Variants in PRDM16 observed in about 807,000 individuals in gnomAD.
The protein encoded by PRDM16 is PR/SET domain 16.
A neutral mutation model predicts 110.6 loss-of-function variants in PRDM16; 23 were observed. That is an observed-to-expected ratio of 0.21 (90% CI 0.15 to 0.29). The LOEUF (loss-of-function observed/expected upper bound fraction) is 0.29. Ranked by LOEUF, PRDM16 falls within the 10% of genes least tolerant of loss-of-function variation. The pLI is 1.00. For missense variants in PRDM16, 1,615 were observed against 1,794.3 expected (o/e 0.90, Z 1.81); for synonymous variants, 799 against 781.8 (o/e 1.02, Z -0.37).
chr1:3,214,748 G>C (rs1167081468), intron 2 of PRDM16, among the ~76,000 whole-genome samples: 1 of 152,180 alleles, frequency 6.6e-6, no homozygotes, highest in Non-Finnish European at 1.5e-5. Context: ...TAGTGTGTTG[G>C]GCCCCTGTTG....
In PRDM16 at chr1:3,181,445, TACACGGTCTTAC is replaced by T. The variant is rs1288346922; in HGVS notation, c.38-4662_38-4651del. Among the ~76,000 whole-genome samples, 43 of 7,902 alleles carry T rather than the reference TACACGGTCTTAC, an allele frequency of 5.4e-3. 15 individuals are homozygous for T. Among genetic ancestry groups the T allele is most frequent in the Non-Finnish European group, 7.0e-3 (14 of 2,000 alleles). 5.2% of individuals were successfully genotyped at this position (7,902 alleles called of 152,430 possible). A position where few individuals can be genotyped will look rare whatever the true frequency, so the allele number is the denominator to read the frequency against. ...ACACGCGGTCTTACACAAGCAGTCT[TACACGGTCTTAC>T]ACACGGTCTTACACACGCAGTCTTA... is the stretch of plus-strand genomic sequence containing the variant. On this transcript the variant is annotated intron_variant, in intron 1 of 16. Transcript: ENST00000270722.
At chr1:3,432,962 C>A (rs902284459) in intron 16 of PRDM16, among the ~76,000 whole-genome samples, 1 of 152,228 alleles carries the variant, frequency 6.6e-6, no homozygotes, top group Non-Finnish European at 1.5e-5. Context: ...CCCAGAAACG[C>A]TGCACATCCC....
At chr1:3,116,031 G>C (rs1416061652) in intron 1 of PRDM16, among the ~76,000 whole-genome samples, 1 of 152,178 alleles carries the variant, frequency 6.6e-6, no homozygotes, top group Non-Finnish European at 1.5e-5. Flanking sequence ...GGCGGGGCTC[G>C]ATGGCAGGTG....
intron 2 of PRDM16, among the ~76,000 whole-genome samples, chr1:3,232,010 A>AGTCT (rs1639428747): frequency 2.6e-5 from 4 of 152,214 alleles, no homozygotes; most frequent in African/African-American, 9.6e-5. Context: ...TTAGGAAAGC[A>AGTCT]TGCAGTCTTG....
chr1:3,424,903 C>A (rs1638547861), intron 12 of PRDM16: 3 of 152,202 alleles, frequency 2.0e-5, no homozygotes, highest in African/African-American at 7.2e-5. Flanking sequence ...AGCATGTCGC[C>A]CTCCGGCTGC....
At chr1:3,187,519 T>G (rs1644284485) in intron 2 of PRDM16, among the ~76,000 whole-genome samples, 1 of 152,192 alleles carries the variant, frequency 6.6e-6, no homozygotes, top group Non-Finnish European at 1.5e-5. Flanking sequence ...ATGCTCACTG[T>G]CAGGCCTGCC....
chr1:3,412,375 C>T lies in PRDM16; in HGVS notation c.2178C>T (p.Pro726=), dbSNP rs1158034393. 1.2e-6 allele frequency: 2 copies of T among 1,613,532 alleles called. No individual in the cohort carries two copies. The highest frequency in any genetic ancestry group is 2.2e-5 in the South Asian group (2 of 91,088). The change falls in exon 9 of 17, where the codon CCC becomes CCT. Residue 726 remains proline (P), a synonymous_variant. Coordinates refer to ENST00000270722, the MANE Select transcript of PRDM16 (RefSeq NM_022114.4). ...LGSLPYHSAF[P]FQFLPNFPHS... ...CGCTCCCCTACCACTCGGCGTTCCC[C>T]TTCCAGTTCCTGCCCAACTTCCCCC... is the stretch of plus-strand genomic sequence containing the variant.
intron 5 of PRDM16, among the ~76,000 whole-genome samples, chr1:3,401,553 C>T (rs1340240748): frequency 7.3e-6 from 1 of 136,744 alleles, no homozygotes; most frequent in Non-Finnish European, 1.7e-5. Flanking sequence ...AGCATGTGTA[C>T]ACATATTCAT....
chr1:3,399,049 C>T (rs1054088784), intron 5 of PRDM16, among the ~76,000 whole-genome samples: 1 of 152,218 alleles, frequency 6.6e-6, no homozygotes, highest in African/African-American at 2.4e-5. Flanking sequence ...ATTCAGACCA[C>T]GGGGAAGCCA....
At position 3,358,035 on chromosome 1, in the gene PRDM16, C is replaced by T. The variant is rs957671184; in HGVS notation, c.439-27117C>T. 6.6e-6 allele frequency among the ~76,000 whole-genome samples: 1 copy of T among 152,258 alleles called. No homozygotes were observed. Among genetic ancestry groups the T allele is most frequent in the African/African-American group, 2.4e-5 (1 of 41,472 alleles). Reference sequence around the variant, plus strand: ...CATGCTCGCCCATGAGCTGAGTCTGCCTTGACCACTGAAGGAGGCTGCCCT... The same window carrying T: ...CATGCTCGCCCATGAGCTGAGTCTGTCTTGACCACTGAAGGAGGCTGCCCT... On this transcript the variant is annotated intron_variant, in intron 3 of 16. Transcript: ENST00000270722. The surrounding 1 kb of genome is among the most constrained non-coding windows in gnomAD (Gnocchi z 4.0).
intron 2 of PRDM16, among the ~76,000 whole-genome samples, chr1:3,198,267 G>C (rs1638531531): frequency 6.6e-6 from 1 of 152,220 alleles, no homozygotes; most frequent in Non-Finnish European, 1.5e-5. Context: ...GTCTCTCTGG[G>C]GTGAGGAGTT....
At position 3,390,647 on chromosome 1, in the gene PRDM16, G is replaced by A. The variant is rs368650130; in HGVS notation, c.573+5361G>A. On this transcript the variant is annotated intron_variant, in intron 4 of 16. Coordinates refer to ENST00000270722, the MANE Select transcript of PRDM16 (RefSeq NM_022114.4). The surrounding 1 kb of genome is among the most constrained non-coding windows in gnomAD (Gnocchi z 5.0). Reference sequence around the variant, plus strand: ...TGTTCATGAGAACCAGGTGTCTCTCGGGTCGGCGGAGGGCATTTCTCTTTT... The same window carrying A: ...TGTTCATGAGAACCAGGTGTCTCTCAGGTCGGCGGAGGGCATTTCTCTTTT... Among the ~76,000 whole-genome samples the A allele has an allele frequency of 1.1e-4, 17 of 152,272 alleles. No homozygotes were observed. Among genetic ancestry groups the A allele is most frequent in the Admixed American group, 5.9e-4 (9 of 15,302 alleles).
At chr1:3,266,335 C>T (rs1640291704) in intron 3 of PRDM16, among the ~76,000 whole-genome samples, 1 of 152,170 alleles carries the variant, frequency 6.6e-6, no homozygotes, top group Admixed American at 6.5e-5. Flanking sequence ...GGCCCAAGGC[C>T]GGCCGAGCAC....
Position 3,434,707 on chromosome 1 carries a change from T to C in PRDM16, c.*896T>C, listed in dbSNP as rs1466454325. ...TCCACAGGTCCCCACCCAAGATCCC[T>C]CAATTATATGGGGAAGTCGAGGGCC... On this transcript the variant is annotated 3_prime_UTR_variant, in exon 17 of 17. Coordinates refer to ENST00000270722, the MANE Select transcript of PRDM16 (RefSeq NM_022114.4). The C allele has an allele frequency of 4.3e-6, 1 of 232,632 alleles. No homozygotes were observed. Among genetic ancestry groups the C allele is most frequent in the Non-Finnish European group, 8.5e-6 (1 of 117,676 alleles). 14.4% of individuals were successfully genotyped at this position (232,632 alleles called of 1,614,324 possible).
chr1:3,291,610 T>C (rs1471526214), intron 3 of PRDM16, among the ~76,000 whole-genome samples: 1 of 152,158 alleles, frequency 6.6e-6, no homozygotes, highest in African/African-American at 2.4e-5. Flanking sequence ...CACCAGGCCA[T>C]GGGCTCCCTA....
rs1336445559 is a variant in PRDM16, at chr1:3,147,038, G to A, written c.38-39087G>A. Reference sequence around the variant, plus strand: ...TATGCGCACGTGTGTGCTCGGTGTGGGGTGTGTGTGCACGTGTGTGCTCAG... The same window carrying A: ...TATGCGCACGTGTGTGCTCGGTGTGAGGTGTGTGTGCACGTGTGTGCTCAG... On this transcript the variant is annotated intron_variant, in intron 1 of 16. Coordinates refer to ENST00000270722, the MANE Select transcript of PRDM16 (RefSeq NM_022114.4). 2.1e-5 allele frequency among the ~76,000 whole-genome samples: 3 copies of A among 144,518 alleles called. No homozygotes were observed. The East Asian group carries it at 6.6e-4, about 32-fold the overall frequency. 94.8% of individuals were successfully genotyped at this position (144,518 alleles called of 152,430 possible). A position where few individuals can be genotyped will look rare whatever the true frequency, so the allele number is the denominator to read the frequency against.
chr1:3,101,132 C>T (rs957909067), intron 1 of PRDM16, among the ~76,000 whole-genome samples: 2 of 152,148 alleles, frequency 1.3e-5, no homozygotes, highest in Non-Finnish European at 2.9e-5. Context: ...CCTCGCTGTG[C>T]CCCTTCGGTC....
At position 3,435,953 on chromosome 1, in the gene PRDM16, G is replaced by A. The variant is rs868408321; in HGVS notation, c.*2142G>A. 1.1e-4 allele frequency: 25 copies of A among 230,774 alleles called. No homozygotes were observed. Among genetic ancestry groups the A allele is most frequent in the African/African-American group, 5.5e-4 (25 of 45,180 alleles). 14.3% of individuals were successfully genotyped at this position (230,774 alleles called of 1,614,324 possible). ...GGGGTGGCCCCGCCGGGGCAGCGGGGGAGCTGCCTGCAGAAGAGCCAGCTG... is the reference window on the plus strand; with the variant it reads ...GGGGTGGCCCCGCCGGGGCAGCGGGAGAGCTGCCTGCAGAAGAGCCAGCTG... On this transcript the variant is annotated 3_prime_UTR_variant, in exon 17 of 17. Coordinates refer to ENST00000270722, the MANE Select transcript of PRDM16 (RefSeq NM_022114.4).
rs546344214 is a variant in PRDM16 at position 3,099,045 on chromosome 1, G to C, written c.37+29749G>C. On this transcript the variant is annotated intron_variant, in intron 1 of 16. Transcript: ENST00000270722. ...GCCACCCACTCCATCAAGCCCCATCGAGGGGACCCAGAGCGGTGGGGGCCG... is the reference window on the plus strand; with the variant it reads ...GCCACCCACTCCATCAAGCCCCATCCAGGGGACCCAGAGCGGTGGGGGCCG... Among the ~76,000 whole-genome samples the C allele has an allele frequency of 1.1e-4, 17 of 152,348 alleles. No individual in the cohort carries two copies. In the South Asian group the frequency reaches 2.9e-3, roughly 26 times the overall value.
Sources: gnomAD v4.1 joint callset for allele counts (sites outside exome capture counted in the v4.1 genomes callset) on GRCh38, gnomAD v4.1.1 for gene constraint, Gnocchi (gnomAD v3.1) non-coding constraint, MANE v1.5 for transcripts, NCBI Gene and HGNC (gene_info 2026-07-23, HGNC 2026-07-21) for gene names.